ZNF804B: variants seen among roughly 807,000 people sequenced by gnomAD.
ZNF804B encodes zinc finger 804B.
In ZNF804B, 80 loss-of-function variants were observed where a neutral mutation model predicts 101.4. The observed-to-expected ratio is 0.79, with a 90% CI of 0.66 to 0.95. The LOEUF is 0.95. Ranked by LOEUF, ZNF804B falls within the 40% of genes least tolerant of loss-of-function variation. The probability of loss-of-function intolerance (pLI) is 0.00; values close to 1 mark genes in which losing one functional copy is unlikely to be tolerated. For synonymous variants in ZNF804B, 622 were observed against 558.8 expected, an observed-to-expected ratio of 1.11 and a Z score of -1.59; for missense variants, 1,673 against 1,561.9, an observed-to-expected ratio of 1.07 and a Z score of -1.20.
intron 1 of ZNF804B, among the ~76,000 whole-genome samples, chr7:88,869,202 T>G (rs1343012982): frequency 6.6e-6 from 1 of 152,218 alleles, no homozygotes; most frequent in Non-Finnish European, 1.5e-5. Context: ...TAAAAAACTT[T>G]TCAGCATAAT....
rs200361715 is a variant in ZNF804B at position 89,031,661 on chromosome 7, G to GTT, written c.109-186482_109-186481dup. 6.8e-3 allele frequency among the ~76,000 whole-genome samples: 981 copies of GTT among 143,546 alleles called. 4 individuals are homozygous for GTT. The highest frequency in any genetic ancestry group is 0.023 in the African/African-American group (898 of 39,306). 94.2% of individuals were successfully genotyped at this position (143,546 alleles called of 152,430 possible). ...TATTTTCTTTAGGCTTCTGGTTTTTGTTTTTTTTTTTTTCCCAAATGTACA... is the reference window on the plus strand; with the variant it reads ...TATTTTCTTTAGGCTTCTGGTTTTTGTTTTTTTTTTTTTTTCCCAAATGTACA... On this transcript the variant is annotated intron_variant, in intron 1 of 3. Coordinates refer to ENST00000333190, the MANE Select transcript of ZNF804B (RefSeq NM_181646.5).
At chr7:89,122,594 T>C (rs1274697090) in intron 1 of ZNF804B, among the ~76,000 whole-genome samples, 2 of 152,180 alleles carry the variant, frequency 1.3e-5, no homozygotes, top group South Asian at 2.1e-4. Flanking sequence ...GTTGCTCCAG[T>C]GACCCATTAA....
chr7:89,043,063 A>G (rs1036712848), intron 1 of ZNF804B, among the ~76,000 whole-genome samples: 2 of 152,192 alleles, frequency 1.3e-5, no homozygotes, highest in African/African-American at 4.8e-5. Context: ...TAAAACAAAT[A>G]TGGAAATCAA....
intron 1 of ZNF804B, among the ~76,000 whole-genome samples, chr7:89,011,866 G>A (rs769428079): frequency 1.3e-5 from 2 of 152,102 alleles, no homozygotes; most frequent in Non-Finnish European, 2.9e-5. Context: ...CTGGATTATG[G>A]TGGGCCTCTT....
rs1562820326 is a variant in ZNF804B at position 88,877,010 on chromosome 7, ATATATATATATAT to A, written c.108+116927_108+116939del. Among the ~76,000 whole-genome samples, 66 of 62,026 alleles carry A rather than the reference ATATATATATATAT, an allele frequency of 1.1e-3. 7 individuals are homozygous for A. The highest frequency in any genetic ancestry group is 8.4e-3 in the African/African-American group (62 of 7,338). The allele number at this position is 62,026 out of a possible 152,430, so 40.7% of individuals were successfully genotyped here. ...ACAGAGAATATTTGAAAAAAAAAAT[ATATATATATATAT>A]ATAATATATATATATATATATATAT... On this transcript the variant is annotated intron_variant, in intron 1 of 3. Transcript: ENST00000333190.
In ZNF804B at chr7:89,335,630, T is replaced by G; in HGVS notation, c.2648T>G (p.Leu883Arg). Residue 883 changes from leucine to arginine, a missense_variant, in exon 4 of 4, where the codon CTG becomes CGG. Transcript: ENST00000333190. ...TTGGGCAGCCCTCACATTTGTGATC[T>G]GGGAAAAGTCAGGCCCATGAAGTGT... ...ESLGSPHICD[L>R]GKVRPMKCNS... The G allele has an allele frequency of 2.5e-6, 4 of 1,613,972 alleles. No homozygotes were observed. Among genetic ancestry groups the G allele is most frequent in the Non-Finnish European group, 3.4e-6 (4 of 1,179,958 alleles).
intron 1 of ZNF804B, among the ~76,000 whole-genome samples, chr7:89,193,378 T>C (rs1345981688): frequency 6.6e-6 from 1 of 150,952 alleles, no homozygotes; most frequent in South Asian, 2.1e-4. Flanking sequence ...TAGTTACACA[T>C]GTATACATGT....
At chr7:89,063,211 TA>T (rs1789403861) in intron 1 of ZNF804B, among the ~76,000 whole-genome samples, 2 of 152,154 alleles carry the variant, frequency 1.3e-5, no homozygotes, top group Admixed American at 1.3e-4. Flanking sequence ...CTAAGCTATA[TA>T]TTTTTTTCTT....
intron 1 of ZNF804B, among the ~76,000 whole-genome samples, chr7:88,835,700 A>G (rs1053404008): frequency 2.0e-4 from 30 of 151,932 alleles, no homozygotes; most frequent in Admixed American, 2.0e-3. Flanking sequence ...TATTTATTTT[A>G]TCAACTATGT....
At chr7:89,272,887 A>C (rs1789919470) in intron 2 of ZNF804B, among the ~76,000 whole-genome samples, 1 of 152,054 alleles carries the variant, frequency 6.6e-6, no homozygotes, top group Non-Finnish European at 1.5e-5. Context: ...CCTATTCCCC[A>C]GCTTTGGGAC....
intron 1 of ZNF804B, among the ~76,000 whole-genome samples, chr7:89,184,894 G>C (rs1397811538): frequency 6.6e-6 from 1 of 152,086 alleles, no homozygotes; most frequent in East Asian, 1.9e-4. Context: ...ATATTTGACT[G>C]TTCCAGAAAA....
intron 1 of ZNF804B, among the ~76,000 whole-genome samples, chr7:88,818,838 T>C (rs1790927213): frequency 6.6e-6 from 1 of 152,214 alleles, no homozygotes; most frequent in South Asian, 2.1e-4. Flanking sequence ...GTACTGCTCA[T>C]GAAATCACTC....
intron 3 of ZNF804B, among the ~76,000 whole-genome samples, chr7:89,329,680 G>A (rs1051763245): frequency 6.6e-6 from 1 of 151,538 alleles, no homozygotes; most frequent in Non-Finnish European, 1.5e-5. Flanking sequence ...TTATTATATG[G>A]GGCTGAGGGT....
intron 2 of ZNF804B, among the ~76,000 whole-genome samples, chr7:89,306,826 G>T (rs533589761): frequency 2.0e-5 from 3 of 151,936 alleles, no homozygotes; most frequent in Non-Finnish European, 2.9e-5. Context: ...ACAGATTTAG[G>T]AATTATACAG....
At chr7:89,192,337 T>G (rs1788468650) in intron 1 of ZNF804B, among the ~76,000 whole-genome samples, 1 of 151,874 alleles carries the variant, frequency 6.6e-6, no homozygotes, top group Non-Finnish European at 1.5e-5. Flanking sequence ...AAAGTACCAC[T>G]GAAAACAAGC....
At chr7:89,039,716 A>G (rs1045051515) in intron 1 of ZNF804B, among the ~76,000 whole-genome samples, 5 of 151,788 alleles carry the variant, frequency 3.3e-5, no homozygotes, top group Non-Finnish European at 5.9e-5. Context: ...AGGAAAGAGC[A>G]TTCTTATCCT....
At chr7:88,890,980 CTGTTT>C (rs140072587) in intron 1 of ZNF804B, among the ~76,000 whole-genome samples, 1,710 of 151,948 alleles carry the variant, frequency 0.011, 21 homozygotes, top group Middle Eastern at 0.024. Context: ...ACGTATTTAT[CTGTTT>C]TGTTTTGTTT....
chr7:89,258,634 T>G (rs1393119800), intron 2 of ZNF804B, among the ~76,000 whole-genome samples: 2 of 152,144 alleles, frequency 1.3e-5, no homozygotes, highest in Non-Finnish European at 2.9e-5. Flanking sequence ...CATCCATGTA[T>G]AACTTTTAAC....
At chr7:89,175,223 G>A (rs1791300496) in intron 1 of ZNF804B, among the ~76,000 whole-genome samples, 1 of 151,922 alleles carries the variant, frequency 6.6e-6, no homozygotes, top group African/African-American at 2.4e-5. Flanking sequence ...CTTAATTTAA[G>A]TCTTTAATTC....
Sources: gnomAD v4.1 joint callset for allele counts (sites outside exome capture counted in the v4.1 genomes callset) on GRCh38, gnomAD v4.1.1 for gene constraint, MANE v1.5 for transcripts, NCBI Gene and HGNC (gene_info 2026-07-23, HGNC 2026-07-21) for gene names.